Variants in ANKRD26 observed in about 807,000 individuals in gnomAD.
ANKRD26 encodes ankyrin repeat domain-containing protein 26.
In ANKRD26, 141 loss-of-function variants were observed where a neutral mutation model predicts 208.7. The observed-to-expected ratio is 0.68, with a 90% CI of 0.59 to 0.78. The LOEUF is 0.78. ANKRD26 is among the 30% of genes least tolerant of loss of function. The probability of loss-of-function intolerance (pLI) is 0.00; values close to 1 mark genes in which losing one functional copy is unlikely to be tolerated. For synonymous variants in ANKRD26, 636 were observed against 660.4 expected (o/e 0.96, Z 0.57); for missense variants, 1,889 against 1,938.7 (o/e 0.97, Z 0.48).
chr10:27,053,625 A>C (rs907787470), intron 15 of ANKRD26, among the ~76,000 whole-genome samples: 1 of 152,194 alleles, frequency 6.6e-6, no homozygotes, highest in African/African-American at 2.4e-5. Flanking sequence ...TCAGTAAGAA[A>C]TACTTCTAAG....
intron 4 of ANKRD26, among the ~76,000 whole-genome samples, chr10:26,981,713 T>TA (rs1225539189): frequency 6.6e-6 from 1 of 152,194 alleles, no homozygotes; most frequent in Non-Finnish European, 1.5e-5. Flanking sequence ...TAAGCCAACT[T>TA]AGAGGCCTTG....
intron 28 of ANKRD26, among the ~76,000 whole-genome samples, chr10:27,023,331 T>A: frequency 6.7e-6 from 1 of 148,610 alleles, no homozygotes. Context: ...AACAGAGAGA[T>A]TCCAGGGAAA....
At chr10:27,084,360 A>G (rs754936949) in intron 5 of ANKRD26, among the ~76,000 whole-genome samples, 53 of 152,338 alleles carry the variant, frequency 3.5e-4, no homozygotes, top group Non-Finnish European at 2.1e-4. Context: ...TCATTGAAAA[A>G]ACACAAATGA....
At chr10:27,075,889 C>A (rs2055681285) in intron 9 of ANKRD26, among the ~76,000 whole-genome samples, 1 of 152,152 alleles carries the variant, frequency 6.6e-6, no homozygotes, top group Non-Finnish European at 1.5e-5. Context: ...AAACTGAAAT[C>A]ATATGAAGTA....
intron 30 of ANKRD26, among the ~76,000 whole-genome samples, chr10:27,015,652 T>C (rs2053264853): frequency 6.6e-6 from 1 of 152,190 alleles, no homozygotes; most frequent in Non-Finnish European, 1.5e-5. Context: ...CTCACTAGCC[T>C]GAGGGAAGGG....
At chr10:27,085,529 A>G (rs2056086078) in intron 5 of ANKRD26, among the ~76,000 whole-genome samples, 8 of 152,192 alleles carry the variant, frequency 5.3e-5, no homozygotes. Flanking sequence ...CTCAACAAGG[A>G]ATTGTTTTTC....
rs190352023 is a variant in ANKRD26, at chr10:27,080,690, A to C, written c.741-1529T>G. The C allele has an allele frequency of 2.0e-5, 20 of 985,452 alleles. No individual in the cohort carries two copies. The East Asian group carries it at 2.0e-3, about 101-fold the overall frequency. The allele number at this position is 985,452 out of a possible 1,614,324, so 61.0% of individuals were successfully genotyped here. ...GGGCTCCATAGCATCTCCAACCTTT[A>C]AGTCTTCAGCCTATGAAGGCACAAA... On this transcript the variant is annotated intron_variant, in intron 6 of 33. Transcript: ENST00000376087.
chr10:27,074,991 T>C lies in ANKRD26; in HGVS notation c.1077+2347A>G, dbSNP rs1422150151. On this transcript the variant is annotated intron_variant, in intron 9 of 33. Coordinates refer to ENST00000376087, the MANE Select transcript of ANKRD26 (RefSeq NM_014915.3). ...GAATTCTGTATCAAGCAAAACTAAGTTTCATAAATGAAGGAAAAATAAAGT... is the reference window on the plus strand; with the variant it reads ...GAATTCTGTATCAAGCAAAACTAAGCTTCATAAATGAAGGAAAAATAAAGT... Among the ~76,000 whole-genome samples, 3 of 152,212 alleles carry C rather than the reference T, an allele frequency of 2.0e-5. No homozygotes were observed. The East Asian group carries it at 5.8e-4, about 29-fold the overall frequency.
At chr10:27,061,041 A>G in intron 13 of ANKRD26, 103 bp downstream of exon 13, 1 of 884,458 alleles carries the variant, frequency 1.1e-6, no homozygotes, top group East Asian at 2.4e-5. Context: ...CTTTACTTGG[A>G]TATATAACTT....
intron 5 of ANKRD26, among the ~76,000 whole-genome samples, chr10:26,976,508 T>C (rs988075769): frequency 6.6e-6 from 1 of 151,998 alleles, no homozygotes; most frequent in African/African-American, 2.4e-5. Context: ...AGCCACCGCA[T>C]CCAACCATAT....
intron 32 of ANKRD26, among the ~76,000 whole-genome samples, chr10:27,007,645 G>T (rs1051238644): frequency 6.6e-6 from 1 of 152,154 alleles, no homozygotes; most frequent in East Asian, 1.9e-4. Context: ...GACAGAGCGA[G>T]ACTCCGTCTC....
the ANKRD26 span, among the ~76,000 whole-genome samples, chr10:26,950,809 C>A: frequency 6.6e-6 from 1 of 152,174 alleles, no homozygotes; most frequent in Admixed American, 6.5e-5. Context: ...AGAAAAGCAA[C>A]CTAACACAAC....
chr10:27,053,964 G>C (rs74786250), intron 15 of ANKRD26, among the ~76,000 whole-genome samples: 1 of 151,894 alleles, frequency 6.6e-6, no homozygotes, highest in Non-Finnish European at 1.5e-5. Context: ...TGTACATCAC[G>C]CTCCTTACAT....
intron 27 of ANKRD26, among the ~76,000 whole-genome samples, chr10:27,028,601 A>G (rs2053756727): frequency 6.6e-6 from 1 of 151,344 alleles, no homozygotes; most frequent in Non-Finnish European, 1.5e-5. Context: ...AAAAAAAAAA[A>G]AAAAATTACA....
At chr10:27,045,131 A>T (rs567450775) in intron 18 of ANKRD26, among the ~76,000 whole-genome samples, 2 of 152,214 alleles carry the variant, frequency 1.3e-5, no homozygotes, top group Non-Finnish European at 2.9e-5. Context: ...GCATTCAAAA[A>T]TCCTTATTGA....
In ANKRD26 at chr10:26,992,444, AAAAG is replaced by A. The variant is rs978659139; in HGVS notation, c.*30-443_*30-440del. 9.3e-5 allele frequency among the ~76,000 whole-genome samples: 14 copies of A among 150,556 alleles called. No individual in the cohort carries two copies. In the East Asian group the frequency reaches 1.8e-3, roughly 19 times the overall value. On this transcript the variant is annotated intron_variant, in intron 5 of 5. Coordinates refer to the ANKRD26 transcript ENST00000445828. ...CATGGAGATAAAATATGATACGTAA[AAAAG>A]AAAGATAAAATACACACACGTACAC...
At chr10:26,987,269 G>A (rs776287907), downstream of ANKRD26, among the ~76,000 whole-genome samples, 25 of 151,938 alleles carry the variant, frequency 1.6e-4, no homozygotes, top group African/African-American at 4.6e-4. Flanking sequence ...ATCACACACC[G>A]GGGCCTGTTG....
chr10:26,989,516 A>G (rs2052448688), downstream of ANKRD26, among the ~76,000 whole-genome samples: 1 of 152,194 alleles, frequency 6.6e-6, no homozygotes, highest in Non-Finnish European at 1.5e-5. Context: ...CATATTAGGA[A>G]CATGTGAGAC....
the ANKRD26 span, among the ~76,000 whole-genome samples, chr10:26,957,064 C>A: frequency 0.017 from 2,533 of 152,272 alleles, 156 homozygotes; most frequent in East Asian, 0.17. Flanking sequence ...ATTCAGTGCA[C>A]TTTTGGCAAG....
Sources: allele counts gnomAD v4.1 joint callset (sites outside exome capture counted in the v4.1 genomes callset), GRCh38; gene constraint gnomAD v4.1.1; transcripts MANE v1.5; gene names NCBI Gene and HGNC (gene_info 2026-07-23, HGNC 2026-07-21).